Variants in CEP290 observed in about 807,000 individuals in gnomAD.
The protein encoded by CEP290 is centrosomal protein of 290 kDa.
Under a neutral mutation model 344.9 loss-of-function variants are expected in CEP290, and 317 were observed. The ratio of observed to expected loss-of-function variants is 0.92; its 90% CI spans 0.84 to 1.01. The LOEUF (loss-of-function observed/expected upper bound fraction) is 1.01, where lower values mean the gene tolerates loss of function less well. Among genes scored for constraint, CEP290 ranks in the 50% least tolerant of loss-of-function variants. The pLI, the probability that CEP290 is intolerant of heterozygous loss-of-function variation, is 0.00. For synonymous variants in CEP290, 932 were observed against 895.8 expected (o/e 1.04, Z -0.72); for missense variants, 2,754 against 2,761.4 (o/e 1.00, Z 0.06).
chr12:88,071,906 A>G lies in CEP290; in HGVS notation c.5730T>C (p.Ile1910=), dbSNP rs376464741. 1.3e-6 allele frequency: 2 copies of G among 1,597,240 alleles called. No individual in the cohort carries two copies. The highest frequency in any genetic ancestry group is 1.8e-5 in the Admixed American group (1 of 57,048). The change falls in exon 42 of 54, where the codon ATT becomes ATC. Residue 1910 remains isoleucine, a synonymous_variant. Transcript: ENST00000552810. ...MKEKNAKEEL[I]RWEEGKKWQA... ...GCCACTTTTTACCTTCTTCCCACCT[A>G]ATTAATTCTTCTTTAGCATTCTGTA...
chr12:88,131,237 A>C lies in CEP290; in HGVS notation c.442-19T>G. 6.9e-7 allele frequency: 1 copy of C among 1,457,908 alleles called. No individual in the cohort carries two copies. The highest frequency in any genetic ancestry group is 9.0e-7 in the Non-Finnish European group (1 of 1,105,190). The allele number at this position is 1,457,908 out of a possible 1,614,324, so 90.3% of individuals were successfully genotyped here. On this transcript the variant is annotated intron_variant, in intron 6 of 53. Coordinates refer to ENST00000552810, the MANE Select transcript of CEP290 (RefSeq NM_025114.4). The stretch of plus-strand genomic sequence containing the variant: ...GAGCCAACTAAAATAGTAAAAAAAA[A>C]AAATAAATAAGAAGAAGATAAAATT...
intron 36 of CEP290, among the ~76,000 whole-genome samples, chr12:88,083,460 G>C (rs945204750): frequency 6.6e-6 from 1 of 152,124 alleles, no homozygotes; most frequent in Non-Finnish European, 1.5e-5. Flanking sequence ...AGTGTTGACC[G>C]AATTAACGAG....
At chr12:88,112,815 A>C (rs2038786051) in intron 20 of CEP290, among the ~76,000 whole-genome samples, 1 of 152,110 alleles carries the variant, frequency 6.6e-6, no homozygotes, top group South Asian at 2.1e-4. Flanking sequence ...AAGAGGATAT[A>C]AGGAAGATAA....
rs1349940928 is a variant in CEP290 at position 88,131,174 on chromosome 12, T to C, written c.486A>G (p.Leu162=). ...TACTAAAATTTTTTACCTCTCTTCT[T>C]AATTTGCTGTTTTCATTTTCTGCCT... ...NEEAENENSK[L]RRENKRLKKK... The change falls in exon 7 of 54, where the codon TTA becomes TTG. Residue 162 remains leucine (L), a synonymous_variant. Coordinates refer to ENST00000552810, the MANE Select transcript of CEP290 (RefSeq NM_025114.4). 1.3e-6 allele frequency: 2 copies of C among 1,521,826 alleles called. No individual in the cohort carries two copies. The highest frequency in any genetic ancestry group is 1.4e-5 in the African/African-American group (1 of 69,876). The allele number at this position is 1,521,826 out of a possible 1,614,324, so 94.3% of individuals were successfully genotyped here. A position where few individuals can be genotyped will look rare whatever the true frequency, so the allele number is the denominator to read the frequency against.
intron 30 of CEP290, 100 bp from the exon 31 acceptor site, chr12:88,089,587 C>T: frequency 1.3e-6 from 1 of 787,026 alleles, no homozygotes; most frequent in South Asian, 2.8e-5. Context: ...AAAGTTTTAA[C>T]ACAGTGGCAC....
chr12:88,119,494 A>C (rs2039270616), intron 15 of CEP290, among the ~76,000 whole-genome samples: 1 of 152,172 alleles, frequency 6.6e-6, no homozygotes, highest in Non-Finnish European at 1.5e-5. Context: ...CAAGTACTTA[A>C]AAATCTTTAA....
At chr12:88,098,358 C>T (rs1437177826) in intron 26 of CEP290, among the ~76,000 whole-genome samples, 3 of 151,568 alleles carry the variant, frequency 2.0e-5, no homozygotes, top group Non-Finnish European at 4.4e-5. Flanking sequence ...ACCTGTAACC[C>T]CAGCACTTTG....
At position 88,139,160 on chromosome 12, in the gene CEP290, C is replaced by G; in HGVS notation, c.282G>C (p.Leu94=). ...AAAGACATACCTCCAGTTCATTTTC[C>G]AGTTTCATTACTTTAGTTTTTAATT... The part of the protein sequence containing the change: ...ENQLKTKVMK[L]ENELEMAQQS... Residue 94 remains leucine (L), a synonymous_variant, in exon 5 of 54, where the codon CTG becomes CTC. Coordinates refer to ENST00000552810, the MANE Select transcript of CEP290 (RefSeq NM_025114.4). The G allele has an allele frequency of 8.3e-7, 1 of 1,199,090 alleles. No individual in the cohort carries two copies. Among genetic ancestry groups the G allele is most frequent in the Non-Finnish European group, 1.1e-6 (1 of 873,522 alleles). 74.3% of individuals were successfully genotyped at this position (1,199,090 alleles called of 1,614,324 possible).
At position 88,107,110 on chromosome 12, in the gene CEP290, A is replaced by G. The variant is rs2038343902; in HGVS notation, c.2484-12T>C. 1.4e-6 allele frequency: 2 copies of G among 1,443,470 alleles called. No individual in the cohort carries two copies. Among genetic ancestry groups the G allele is most frequent in the Non-Finnish European group, 1.9e-6 (2 of 1,071,146 alleles). 89.4% of individuals were successfully genotyped at this position (1,443,470 alleles called of 1,614,324 possible). On this transcript the variant is annotated splice_polypyrimidine_tract_variant and intron_variant, in intron 23 of 53. Coordinates refer to ENST00000552810, the MANE Select transcript of CEP290 (RefSeq NM_025114.4). ...AGGTCTCCTTTTCACTAAAAACAAAACAAAACAAAAAGACAATACTGTAAA... is the reference window on the plus strand; with the variant it reads ...AGGTCTCCTTTTCACTAAAAACAAAGCAAAACAAAAAGACAATACTGTAAA...
At chr12:88,087,755 A>C in intron 32 of CEP290, 25 bp downstream of exon 32, 5 of 1,039,496 alleles carry the variant, frequency 4.8e-6, no homozygotes, top group Non-Finnish European at 6.3e-6. Context: ...TTAGGGAAAA[A>C]AATGAAATAA....
chr12:88,120,871 G>T, intron 14 of CEP290, 126 bp downstream of exon 14: 1 of 776,440 alleles, frequency 1.3e-6, no homozygotes, highest in Non-Finnish European at 2.0e-6. Flanking sequence ...AAATTAATGA[G>T]GATAATCTTT....
intron 20 of CEP290, 30 bp downstream of exon 20, chr12:88,114,390 A>G (rs913648932): frequency 8.0e-6 from 12 of 1,495,756 alleles, no homozygotes; most frequent in Admixed American, 2.2e-5. Flanking sequence ...GTGATAGGGG[A>G]AAAACATTAA....
At position 88,055,641 on chromosome 12, in the gene CEP290, G is replaced by A; in HGVS notation, c.6895C>T (p.Leu2299Phe). ...KNQSITDLKQLVKEATEREQK... is the reference protein window; with the variant it reads ...KNQSITDLKQFVKEATEREQK... ...TCTCTCTCTGTTGCTTCTTTTACAA[G>A]CTGTTTAAGGTCAGTAATGCTTTGA... The change falls in exon 50 of 54, where the codon CTT (leucine) becomes TTT (phenylalanine). Residue 2299 changes from leucine to phenylalanine, a missense_variant. Physicochemically the swap from Leu to Phe is conservative, Grantham distance 22 (BLOSUM62 0). Transcript: ENST00000552810. 6.4e-7 allele frequency: 1 copy of A among 1,570,840 alleles called. No homozygotes were observed.
intron 39 of CEP290, 131 bp downstream of exon 39, chr12:88,078,961 G>A (rs1374069765): frequency 4.8e-6 from 3 of 626,278 alleles, no homozygotes; most frequent in Non-Finnish European, 7.5e-6. Context: ...GCATGTGTGT[G>A]TCTATGTCTA....
At chr12:88,124,456 G>A (rs372524114) in intron 13 of CEP290, among the ~76,000 whole-genome samples, 6 of 151,886 alleles carry the variant, frequency 4.0e-5, no homozygotes, top group Admixed American at 1.3e-4. Flanking sequence ...AATTACAACC[G>A]TACCTGCAAA....
chr12:88,134,360 T>A (rs1056367970), intron 6 of CEP290, among the ~76,000 whole-genome samples: 4 of 152,232 alleles, frequency 2.6e-5, no homozygotes, highest in African/African-American at 9.6e-5. Flanking sequence ...CATTAGCACT[T>A]CCCTGAATTA....
intron 41 of CEP290, among the ~76,000 whole-genome samples, chr12:88,074,147 C>A (rs2035587281): frequency 6.6e-6 from 1 of 152,106 alleles, no homozygotes; most frequent in African/African-American, 2.4e-5. Flanking sequence ...ATCACTTGAA[C>A]CCAGGAGGCG....
At chr12:88,134,115 TTGAATA>T (rs1273456275) in intron 6 of CEP290, among the ~76,000 whole-genome samples, 4 of 152,180 alleles carry the variant, frequency 2.6e-5, no homozygotes, top group African/African-American at 9.7e-5. Context: ...GATACCCTTT[TTGAATA>T]TGCCCAGAAG....
chr12:88,136,515 C>A, intron 6 of CEP290, 128 bp downstream of exon 6: 1 of 896,002 alleles, frequency 1.1e-6, no homozygotes, highest in South Asian at 1.6e-5. Flanking sequence ...TGATATAAAA[C>A]CTTAGAGATA....
Sources: allele counts gnomAD v4.1 joint callset (sites outside exome capture counted in the v4.1 genomes callset), GRCh38; gene constraint gnomAD v4.1.1; transcripts MANE v1.5; gene names NCBI Gene and HGNC (gene_info 2026-07-23, HGNC 2026-07-21).